ZNF843: variants seen among roughly 807,000 people sequenced by gnomAD.
ZNF843 encodes zinc finger protein 843.
For synonymous variants in ZNF843, 185 were observed against 207.7 expected, an observed-to-expected ratio of 0.89 and a Z score of 0.94; for missense variants, 482 against 469.4, an observed-to-expected ratio of 1.03 and a Z score of -0.25.
chr16:31,442,032 G>A lies in ZNF843; in HGVS notation c.-336+604C>T, dbSNP rs1003887352. ...GGGAGGACTCCGGGACGGGGGAGGC[G>A]GCTGAGATTTTAAGGCGGGCCGGGT... On this transcript the variant is annotated intron_variant, in intron 1 of 1. Coordinates refer to ENST00000315678, the MANE Select transcript of ZNF843 (RefSeq NM_001136509.3). 2.6e-5 allele frequency among the ~76,000 whole-genome samples: 4 copies of A among 152,238 alleles called. No individual in the cohort carries two copies. In the East Asian group the frequency reaches 5.8e-4, roughly 22 times the overall value.
chr16:31,436,259 C>A lies in ZNF843; in HGVS notation c.591G>T (p.Arg197=), dbSNP rs1204508997. ...SVAPDSTSGL[R]PCGSPGSFLQ... is the part of the protein sequence containing the mutation. Reference sequence around the variant, plus strand: ...GGAAGGACCCGGGGCTCCCACAGGGCCGGAGCCCAGAGGTGCTGTCCGGGG... The same window carrying A: ...GGAAGGACCCGGGGCTCCCACAGGGACGGAGCCCAGAGGTGCTGTCCGGGG... The change falls in exon 2 of 2, where the codon CGG becomes CGT. Residue 197 remains arginine, a synonymous_variant. Transcript: ENST00000315678. 1 of 1,546,940 alleles carries A rather than the reference C, an allele frequency of 6.5e-7. No homozygotes were observed. The highest frequency in any genetic ancestry group is 1.4e-5 in the African/African-American group (1 of 73,018).
chr16:31,436,566 C>G lies in ZNF843; in HGVS notation c.284G>C (p.Arg95Pro). ...LGRSHSSAGV[R>P]QGFSGQLCCW... is the part of the protein sequence containing the mutation. ...GCAGAGCTGGCCGCTAAACCCTTGC[C>G]GCACTCCCGCAGACGAATGGCTTCT... Residue 95 changes from arginine to proline, a missense_variant, in exon 2 of 2, where the codon CGG (arginine) becomes CCG (proline). Transcript: ENST00000315678. 1 of 1,550,404 alleles carries G rather than the reference C, an allele frequency of 6.4e-7. No individual in the cohort carries two copies. The highest frequency in any genetic ancestry group is 8.7e-7 in the Non-Finnish European group (1 of 1,146,040).
chr16:31,443,062 A>C (rs985649492), upstream of ZNF843: 3 of 151,512 alleles, frequency 2.0e-5, no homozygotes, highest in Admixed American at 6.6e-5. Context: ...GCTGCCTGAG[A>C]CCCAACCCCT....
intron 1 of ZNF843, among the ~76,000 whole-genome samples, chr16:31,438,246 T>C (rs1330294819): frequency 1.3e-5 from 2 of 152,220 alleles, no homozygotes; most frequent in Non-Finnish European, 2.9e-5. Flanking sequence ...ACATTATTGC[T>C]TTATTGGTTA....
chr16:31,436,570 C>T lies in ZNF843; in HGVS notation c.280G>A (p.Val94Met). 1 of 1,550,506 alleles carries T rather than the reference C, an allele frequency of 6.4e-7. No individual in the cohort carries two copies. The highest frequency in any genetic ancestry group is 2.4e-5 in the East Asian group (1 of 40,888). Residue 94 changes from valine (V) to methionine (M), a missense_variant, in exon 2 of 2, where the codon GTG becomes ATG. Transcript: ENST00000315678. The part of the protein sequence containing the change: ...PLGRSHSSAG[V>M]RQGFSGQLCC... Reference sequence around the variant, plus strand: ...AGCTGGCCGCTAAACCCTTGCCGCACTCCCGCAGACGAATGGCTTCTCCCG... The same window carrying T: ...AGCTGGCCGCTAAACCCTTGCCGCATTCCCGCAGACGAATGGCTTCTCCCG...
In ZNF843 at chr16:31,435,766, G is replaced by C; in HGVS notation, c.*37C>G. On this transcript the variant is annotated 3_prime_UTR_variant, in exon 2 of 2. Coordinates refer to ENST00000315678, the MANE Select transcript of ZNF843 (RefSeq NM_001136509.3). ...TCAGATCCACAGTCCACCGGCGGCT[G>C]CAACAATTCCACCCAGGGCTGCAGC... The C allele has an allele frequency of 7.0e-7, 1 of 1,436,598 alleles. No homozygotes were observed. The highest frequency in any genetic ancestry group is 9.2e-7 in the Non-Finnish European group (1 of 1,092,084). The allele number at this position is 1,436,598 out of a possible 1,614,324, so 89.0% of individuals were successfully genotyped here. A position where few individuals can be genotyped will look rare whatever the true frequency, so the allele number is the denominator to read the frequency against.
intron 1 of ZNF843, among the ~76,000 whole-genome samples, chr16:31,440,685 T>C (rs927189787): frequency 6.6e-6 from 1 of 152,194 alleles, no homozygotes; most frequent in Non-Finnish European, 1.5e-5. Flanking sequence ...TGCTGCCCCA[T>C]ATAAGAAAGG....
chr16:31,442,124 G>A (rs879494939), intron 1 of ZNF843, among the ~76,000 whole-genome samples: 3 of 152,300 alleles, frequency 2.0e-5, no homozygotes, highest in East Asian at 3.9e-4. Flanking sequence ...GAGGGTGGAC[G>A]GCCGGCCGCA....
rs371415381 is a variant in ZNF843, at chr16:31,436,440, T to A, written c.410A>T (p.Asn137Ile). The A allele has an allele frequency of 3.9e-6, 6 of 1,551,670 alleles. No individual in the cohort carries two copies. Among genetic ancestry groups the A allele is most frequent in the South Asian group, 3.6e-5 (3 of 84,038 alleles). Residue 137 changes from asparagine to isoleucine, a missense_variant, in exon 2 of 2, where the codon AAT becomes ATT. Asn to Ile is a moderately radical substitution (Grantham distance 149). Transcript: ENST00000315678. ...GPVEADRPPANSHRRVCPFCC... is the reference protein window; with the variant it reads ...GPVEADRPPAISHRRVCPFCC... ...GAAGGGACACACTCTCCTGTGTGAA[T>A]TCGCTGGTGGCCGATCAGCTTCCAC... is the stretch of plus-strand genomic sequence containing the variant.
At position 31,436,781 on chromosome 16, in the gene ZNF843, G is replaced by T; in HGVS notation, c.69C>A (p.Thr23=). Residue 23 remains threonine, a synonymous_variant, in exon 2 of 2, where the codon ACC becomes ACA. Transcript: ENST00000315678. ...VSARAPTCCS[T]GRFTQGRQPC... Reference sequence around the variant, plus strand: ...GCTGACGGCCCTGGGTGAATCTGCCGGTGCTGCAGCAGGTAGGAGCTCTGG... The same window carrying T: ...GCTGACGGCCCTGGGTGAATCTGCCTGTGCTGCAGCAGGTAGGAGCTCTGG... The T allele has an allele frequency of 6.4e-7, 1 of 1,551,810 alleles. No homozygotes were observed. Among genetic ancestry groups the T allele is most frequent in the African/African-American group, 1.4e-5 (1 of 73,184 alleles).
At position 31,436,325 on chromosome 16, in the gene ZNF843, A is replaced by G; in HGVS notation, c.525T>C (p.Gly175=). The G allele has an allele frequency of 6.5e-7, 1 of 1,546,924 alleles. No individual in the cohort carries two copies. The change falls in exon 2 of 2, where the codon GGT becomes GGC. Residue 175 remains glycine, a synonymous_variant. Coordinates refer to ENST00000315678, the MANE Select transcript of ZNF843 (RefSeq NM_001136509.3). ...LPHPGEKTCR[G]GSVESVSLAP... ...CGAGGCTGACGCTCTCCACGCTCCC[A>G]CCCCTGCAGGTCTTCTCCCCTGGGT... is the stretch of plus-strand genomic sequence containing the variant.
Position 31,436,501 on chromosome 16 carries a change from G to A in ZNF843, c.349C>T (p.Arg117Cys). The A allele has an allele frequency of 6.4e-7, 1 of 1,551,454 alleles. No individual in the cohort carries two copies. The highest frequency in any genetic ancestry group is 8.7e-7 in the Non-Finnish European group (1 of 1,146,862). The change falls in exon 2 of 2, where the codon CGT becomes TGT. Residue 117 changes from arginine to cysteine, a missense_variant. Physicochemically the swap from Arg to Cys is radical, Grantham distance 180. Transcript: ENST00000315678. ...TKEHTLAEAL[R>C]LSPVPAGFWG... is the part of the protein sequence containing the mutation. Reference sequence around the variant, plus strand: ...AAACCTGCTGGTACTGGGGACAGACGCAGGGCTTCGGCCAGTGTGTGCTCC... The same window carrying A: ...AAACCTGCTGGTACTGGGGACAGACACAGGGCTTCGGCCAGTGTGTGCTCC...
At position 31,436,459 on chromosome 16, in the gene ZNF843, C is replaced by G. The variant is rs2082181712; in HGVS notation, c.391G>C (p.Ala131Pro). Residue 131 changes from alanine (A) to proline (P), a missense_variant, in exon 2 of 2, where the codon GCT (alanine) becomes CCT (proline). Ala to Pro is a conservative substitution (Grantham distance 27). Transcript: ENST00000315678. ...TGTGAATTCGCTGGTGGCCGATCAG[C>G]TTCCACCGGTCCCCAAAAACCTGCT... The part of the protein sequence containing the change: ...VPAGFWGPVE[A>P]DRPPANSHRR... 2 of 1,551,602 alleles carry G rather than the reference C, an allele frequency of 1.3e-6. No individual in the cohort carries two copies.
intron 1 of ZNF843, among the ~76,000 whole-genome samples, chr16:31,439,570 T>C (rs1322925701): frequency 7.2e-5 from 11 of 152,220 alleles, no homozygotes; most frequent in Non-Finnish European, 1.6e-4. Flanking sequence ...GGAACTGCTG[T>C]TACCTGCAAG....
intron 1 of ZNF843, among the ~76,000 whole-genome samples, chr16:31,438,218 A>C (rs983864563): frequency 6.6e-6 from 1 of 152,236 alleles, no homozygotes; most frequent in African/African-American, 2.4e-5. Flanking sequence ...ACCATCAAAA[A>C]GAATCAACTT....
rs554228565 is a variant in ZNF843, at chr16:31,435,880, G to A, written c.970C>T (p.Pro324Ser). ...QCRAPPPPSN[P>S]HWRGALPVFP... ...ACTGGTAGGGCTCCTCTCCAGTGTG[G>A]GTTCGAGGGCGGTGGAGGAGCTCGG... is the stretch of plus-strand genomic sequence containing the variant. The change falls in exon 2 of 2, where the codon CCA becomes TCA. Residue 324 changes from proline (P) to serine (S), a missense_variant. Coordinates refer to ENST00000315678, the MANE Select transcript of ZNF843 (RefSeq NM_001136509.3). The A allele has an allele frequency of 4.6e-6, 7 of 1,537,238 alleles. No individual in the cohort carries two copies. In the Admixed American group the frequency reaches 1.0e-4, roughly 22 times the overall value.
At chr16:31,442,005 AGGGGAGG>A (rs2082202620) in intron 1 of ZNF843, among the ~76,000 whole-genome samples, 1 of 152,222 alleles carries the variant, frequency 6.6e-6, no homozygotes, top group African/African-American at 2.4e-5. Context: ...GACAGAACCC[AGGGGAGG>A]ACTCCGGGAC....
intron 1 of ZNF843, among the ~76,000 whole-genome samples, chr16:31,442,234 CG>C (rs1350896511): frequency 2.0e-5 from 3 of 152,230 alleles, no homozygotes; most frequent in African/African-American, 7.2e-5. Flanking sequence ...GGCGCGGGGT[CG>C]AGGGGCTCGG....
intron 1 of ZNF843, among the ~76,000 whole-genome samples, chr16:31,442,142 T>C (rs913992171): frequency 2.0e-4 from 30 of 151,992 alleles, no homozygotes; most frequent in Non-Finnish European, 2.6e-4. Flanking sequence ...GCAAAGGCGG[T>C]GGAGGTGTTG....
Sources: allele counts gnomAD v4.1 joint callset (sites outside exome capture counted in the v4.1 genomes callset), GRCh38; gene constraint gnomAD v4.1.1; transcripts MANE v1.5; gene names NCBI Gene and HGNC (gene_info 2026-07-23, HGNC 2026-07-21).